The following SMARCD3 variants were observed in gnomAD, a reference collection of about 807,000 sequenced individuals.
SMARCD3 encodes the protein SWI/SNF-related matrix-associated actin-dependent regulator of chromatin subfamily D member 3.
SMARCD3 carries 14 observed loss-of-function variants against 58.0 expected under a neutral mutation model. That is an observed-to-expected ratio of 0.24 (90% CI 0.16 to 0.38). The LOEUF (loss-of-function observed/expected upper bound fraction) is 0.38, where lower values mean the gene tolerates loss of function less well. Among genes scored for constraint, SMARCD3 ranks in the 10% least tolerant of loss-of-function variants. SMARCD3 has a pLI of 1.00. For synonymous variants in SMARCD3, 253 were observed against 253.8 expected (o/e 1.00, Z 0.03); for missense variants, 408 against 636.9 (o/e 0.64, Z 3.87).
At chr7:151,258,349 G>C (rs1397937076) in intron 2 of SMARCD3, among the ~76,000 whole-genome samples, 1 of 152,048 alleles carries the variant, frequency 6.6e-6, no homozygotes, top group African/African-American at 2.4e-5. Context: ...TGGATCATTT[G>C]AGGTCAGGAG....
Position 151,242,109 on chromosome 7 carries a change from T to TC in SMARCD3, c.675+27dup. 6 of 1,585,734 alleles carry TC rather than the reference T, an allele frequency of 3.8e-6. No homozygotes were observed. Among genetic ancestry groups the TC allele is most frequent in the Non-Finnish European group, 5.2e-6 (6 of 1,154,172 alleles). On this transcript the variant is annotated intron_variant, in intron 6 of 12. Transcript: ENST00000262188. This position sits in a 1 kb window ranked among gnomAD's most constrained non-coding sequence, Gnocchi z 4.7. ...TTCTGGCCTGTGGGAGGGTGGCAAT[T>TC]CAAGGGCGGAGGGGCTCTTGGTCTT...
In SMARCD3 at chr7:151,242,689, A is replaced by G. The variant is rs780907257; in HGVS notation, c.456+32T>C. On this transcript the variant is annotated intron_variant, in intron 4 of 12. Transcript: ENST00000262188. This position sits in a 1 kb window ranked among gnomAD's most constrained non-coding sequence, Gnocchi z 4.7. ...TTCCCCATCCTGGTCACACAACTCTAGAGTCCCCTTCCTACCCCCGAACTA... is the reference window on the plus strand; with the variant it reads ...TTCCCCATCCTGGTCACACAACTCTGGAGTCCCCTTCCTACCCCCGAACTA... 9 of 1,613,808 alleles carry G rather than the reference A, an allele frequency of 5.6e-6. No individual in the cohort carries two copies. In the South Asian group the frequency reaches 7.7e-5, roughly 14 times the overall value.
intron 2 of SMARCD3, among the ~76,000 whole-genome samples, chr7:151,244,648 G>T (rs1313008738): frequency 6.6e-6 from 1 of 152,198 alleles, no homozygotes; most frequent in Non-Finnish European, 1.5e-5. Context: ...ACAAAATGAC[G>T]ATGCACTTTA....
At position 151,242,989 on chromosome 7, in the gene SMARCD3, G is replaced by C; in HGVS notation, c.334-146C>G. ...GCATGTAGCTTTGACAGTGGGAACAGGACCTCTCCCCAGGATGCCATTATC... is the reference window on the plus strand; with the variant it reads ...GCATGTAGCTTTGACAGTGGGAACACGACCTCTCCCCAGGATGCCATTATC... On this transcript the variant is annotated intron_variant, in intron 3 of 12. Transcript: ENST00000262188. This position sits in a 1 kb window ranked among gnomAD's most constrained non-coding sequence, Gnocchi z 4.7. 1 of 879,026 alleles carries C rather than the reference G, an allele frequency of 1.1e-6. No individual in the cohort carries two copies. Among genetic ancestry groups the C allele is most frequent in the Non-Finnish European group, 1.7e-6 (1 of 580,356 alleles). 54.5% of individuals were successfully genotyped at this position (879,026 alleles called of 1,614,324 possible).
chr7:151,254,961 G>A (rs984177656), intron 2 of SMARCD3, among the ~76,000 whole-genome samples: 10 of 152,234 alleles, frequency 6.6e-5, no homozygotes, highest in Middle Eastern at 3.4e-3. Context: ...AAATGGCAGC[G>A]GGCAGTGGGA....
chr7:151,242,296 G>A lies in SMARCD3; in HGVS notation c.580-64C>T, dbSNP rs190865312. 3.4e-6 allele frequency: 5 copies of A among 1,465,846 alleles called. No individual in the cohort carries two copies. The Admixed American group carries it at 6.7e-5, about 20-fold the overall frequency. The allele number at this position is 1,465,846 out of a possible 1,614,324, so 90.8% of individuals were successfully genotyped here. A position where few individuals can be genotyped will look rare whatever the true frequency, so the allele number is the denominator to read the frequency against. On this transcript the variant is annotated intron_variant, in intron 5 of 12. Transcript: ENST00000262188. The surrounding 1 kb of genome is among the most constrained non-coding windows in gnomAD (Gnocchi z 4.7). The stretch of plus-strand genomic sequence containing the variant: ...GACGAGGTGGGAGGAGCAGAAGGAG[G>A]CCAAGTTGGCAGCCGACAGGGCAGT...
chr7:151,257,630 A>G (rs1367158362), intron 2 of SMARCD3, among the ~76,000 whole-genome samples: 1 of 152,134 alleles, frequency 6.6e-6, no homozygotes, highest in East Asian at 1.9e-4. Context: ...CGGCAAAGTC[A>G]TAACACTCTG....
At position 151,248,602 on chromosome 7, in the gene SMARCD3, T is replaced by G; in HGVS notation, c.-40A>C. The G allele has an allele frequency of 6.2e-7, 1 of 1,603,662 alleles. No homozygotes were observed. The highest frequency in any genetic ancestry group is 8.5e-7 in the Non-Finnish European group (1 of 1,173,470). On this transcript the variant is annotated 5_prime_UTR_variant, in exon 1 of 13. Coordinates refer to ENST00000262188, the MANE Select transcript of SMARCD3 (RefSeq NM_001003801.2). This position sits in a 1 kb window ranked among gnomAD's most constrained non-coding sequence, Gnocchi z 6.1. ...CGGCTCCTCTCACTCTCTCTCTCTC[T>G]TCCTCTTTCTTTCCCTTTTCTGCCT... is the stretch of plus-strand genomic sequence containing the variant.
At position 151,242,209 on chromosome 7, in the gene SMARCD3, G is replaced by A; in HGVS notation, c.603C>T (p.Phe201=). The change falls in exon 6 of 13, where the codon TTC becomes TTT. Residue 201 remains phenylalanine (F), a synonymous_variant. Transcript: ENST00000262188. The surrounding 1 kb of genome is among the most constrained non-coding windows in gnomAD (Gnocchi z 4.7). ...TGACCAAACTCTTGAAGAAAGAAGA[G>A]AACTTCCGCTTCTGTTTGCTGGGCT... ...LDDPSKQKRK[F]SSFFKSLVIE... is the part of the protein sequence containing the mutation. 6.2e-7 allele frequency: 1 copy of A among 1,614,098 alleles called. No individual in the cohort carries two copies. Among genetic ancestry groups the A allele is most frequent in the Non-Finnish European group, 8.5e-7 (1 of 1,179,942 alleles).
chr7:151,252,064 G>A (rs1803536951), upstream of SMARCD3, among the ~76,000 whole-genome samples: 2 of 152,058 alleles, frequency 1.3e-5, no homozygotes, highest in Non-Finnish European at 2.9e-5. Flanking sequence ...GGAGGGAGGA[G>A]GGATGCGGGG....
At chr7:151,260,879 G>A (rs760628314) in intron 2 of SMARCD3, among the ~76,000 whole-genome samples, 4 of 152,230 alleles carry the variant, frequency 2.6e-5, no homozygotes, top group Non-Finnish European at 5.9e-5. Flanking sequence ...AAGTGGGATT[G>A]AGAAAGAGAT....
At chr7:151,273,716 G>A (rs1473867503) in intron 2 of SMARCD3, among the ~76,000 whole-genome samples, 2 of 152,228 alleles carry the variant, frequency 1.3e-5, no homozygotes, top group African/African-American at 4.8e-5. Flanking sequence ...CTTCAGGTGT[G>A]GGGCTGGGCA....
chr7:151,266,977 C>T (rs758688593), intron 2 of SMARCD3, among the ~76,000 whole-genome samples: 1 of 152,166 alleles, frequency 6.6e-6, no homozygotes, highest in African/African-American at 2.4e-5. Context: ...CCTCCCAAAG[C>T]GCTGGGATTA....
At chr7:151,276,092 G>A (rs1795330588) in intron 1 of SMARCD3, among the ~76,000 whole-genome samples, 1 of 151,536 alleles carries the variant, frequency 6.6e-6, no homozygotes, top group South Asian at 2.1e-4. Flanking sequence ...AGAGTGGGAG[G>A]GGAGGATGAG....
intron 2 of SMARCD3, among the ~76,000 whole-genome samples, chr7:151,266,263 C>T (rs546799182): frequency 6.6e-6 from 1 of 151,926 alleles, no homozygotes; most frequent in African/African-American, 2.4e-5. Flanking sequence ...AGCCACCGCA[C>T]CCGGCCATTT....
chr7:151,269,630 C>T (rs189093205), intron 2 of SMARCD3, among the ~76,000 whole-genome samples: 107 of 151,944 alleles, frequency 7.0e-4, no homozygotes, highest in African/African-American at 2.4e-3. Context: ...TGGCCAGTGG[C>T]GTATGCGGGC....
At chr7:151,244,465 A>G (rs983887962) in intron 2 of SMARCD3, among the ~76,000 whole-genome samples, 2 of 152,186 alleles carry the variant, frequency 1.3e-5, no homozygotes, top group Admixed American at 6.5e-5. Flanking sequence ...AACGCAGCCC[A>G]GAGAATAGCT....
At chr7:151,248,731 A>T, upstream of SMARCD3, 2 of 1,187,208 alleles carry the variant, frequency 1.7e-6, no homozygotes, top group Non-Finnish European at 1.0e-6. This position sits in a 1 kb window ranked among gnomAD's most constrained non-coding sequence, Gnocchi z 6.1. Context: ...CTGACGGCCC[A>T]CGGCCCACGC....
Position 151,243,236 on chromosome 7 carries a change from G to A in SMARCD3, c.334-393C>T, listed in dbSNP as rs1002427335. ...TCAATCCCTGAGACAGTTGGACAGCGGTGCTTTCTTCTCTGCTGGCACCTT... is the reference window on the plus strand; with the variant it reads ...TCAATCCCTGAGACAGTTGGACAGCAGTGCTTTCTTCTCTGCTGGCACCTT... On this transcript the variant is annotated intron_variant, in intron 3 of 12. Coordinates refer to ENST00000262188, the MANE Select transcript of SMARCD3 (RefSeq NM_001003801.2). This position sits in a 1 kb window ranked among gnomAD's most constrained non-coding sequence, Gnocchi z 4.4. 1.3e-5 allele frequency among the ~76,000 whole-genome samples: 2 copies of A among 152,146 alleles called. No homozygotes were observed. Among genetic ancestry groups the A allele is most frequent in the Non-Finnish European group, 1.5e-5 (1 of 68,018 alleles).
Sources: gnomAD v4.1 joint callset for allele counts (sites outside exome capture counted in the v4.1 genomes callset) on GRCh38, gnomAD v4.1.1 for gene constraint, Gnocchi (gnomAD v3.1) non-coding constraint, MANE v1.5 for transcripts, NCBI Gene and HGNC (gene_info 2026-07-23, HGNC 2026-07-21) for gene names.